Variants in DLST observed in about 807,000 individuals in gnomAD.
DLST encodes dihydrolipoamide S-succinyltransferase, also known as dihydrolipoyllysine-residue succinyltransferase component of 2-oxoglutarate dehydrogenase complex, mitochondrial.
In DLST, 17 loss-of-function variants were observed where a neutral mutation model predicts 53.1. The ratio of observed to expected loss-of-function variants is 0.32; its 90% CI spans 0.22 to 0.48. The LOEUF is 0.48. Ranked by LOEUF, DLST falls within the 20% of genes least tolerant of loss-of-function variation. The probability of loss-of-function intolerance (pLI) is 0.99; values close to 1 mark genes in which losing one functional copy is unlikely to be tolerated. For missense variants in DLST, 512 were observed against 583.9 expected (o/e 0.88, Z 1.27); for synonymous variants, 206 against 204.8 (o/e 1.01, Z -0.05).
At chr14:74,892,283 A>G (rs976179720) in intron 7 of DLST, among the ~76,000 whole-genome samples, 1 of 152,026 alleles carries the variant, frequency 6.6e-6, no homozygotes, top group Admixed American at 6.5e-5. Context: ...GGCTTTCACC[A>G]TGTTGGCCAG....
chr14:74,902,272 T>C lies in DLST; in HGVS notation c.1304T>C (p.Phe435Ser). The change falls in exon 15 of 15, where the codon TTC (phenylalanine) becomes TCC (serine). Residue 435 changes from phenylalanine (F) to serine (S), a missense_variant. Around this residue, in one of 4 missense-constraint regions of DLST, gnomAD observed 186 missense variants for 260.4 expected, o/e 0.71. Coordinates refer to ENST00000334220, the MANE Select transcript of DLST (RefSeq NM_001933.5). ...ATTGATGGCAGAGAGGCTGTGACTTTCCTCCGCAAAATCAAGGCAGCGGTA... is the reference window on the plus strand; with the variant it reads ...ATTGATGGCAGAGAGGCTGTGACTTCCCTCCGCAAAATCAAGGCAGCGGTA... ...RLIDGREAVT[F>S]LRKIKAAVED... is the part of the protein sequence containing the mutation. 6.2e-7 allele frequency: 1 copy of C among 1,613,614 alleles called. No individual in the cohort carries two copies. The highest frequency in any genetic ancestry group is 8.5e-7 in the Non-Finnish European group (1 of 1,179,730).
At chr14:74,886,587 G>A (rs1883712694) in intron 3 of DLST, among the ~76,000 whole-genome samples, 1 of 152,172 alleles carries the variant, frequency 6.6e-6, no homozygotes, top group Non-Finnish European at 1.5e-5. Flanking sequence ...ACTTGCCTTA[G>A]CCTCCCAAAG....
chr14:74,881,965 A>C lies in DLST; in HGVS notation c.12A>C (p.Arg4=), dbSNP rs373129809. The C allele has an allele frequency of 3.8e-6, 6 of 1,558,760 alleles. No individual in the cohort carries two copies. Among genetic ancestry groups the C allele is most frequent in the Admixed American group, 1.8e-5 (1 of 56,132 alleles). ...GCTCCTCCGCCGTGATGCTGTCCCG[A>C]TCCCGCTGTGTGTCTCGGGCGTTCA... is the stretch of plus-strand genomic sequence containing the variant. MLS[R]SRCVSRAFSR... is the part of the protein sequence containing the mutation. Residue 4 remains arginine, a synonymous_variant, in exon 1 of 15, where the codon CGA becomes CGC. Transcript: ENST00000334220.
intron 2 of DLST, among the ~76,000 whole-genome samples, chr14:74,883,012 T>C (rs1473829803): frequency 6.6e-6 from 1 of 152,142 alleles, no homozygotes; most frequent in Non-Finnish European, 1.5e-5. Flanking sequence ...GTTATGGCCA[T>C]GGCCGGGCGC....
At position 74,889,664 on chromosome 14, in the gene DLST, C is replaced by T. The variant is rs78809396; in HGVS notation, c.275-233C>T. ...TTGGGATTACAGGCCTGAGCCACTGCGTGAGCCACTGCGCCTGGCTCCTCT... is the reference window on the plus strand; with the variant it reads ...TTGGGATTACAGGCCTGAGCCACTGTGTGAGCCACTGCGCCTGGCTCCTCT... On this transcript the variant is annotated intron_variant, in intron 5 of 14. Transcript: ENST00000334220. The T allele has an allele frequency of 2.1e-4, 118 of 560,258 alleles. No individual in the cohort carries two copies. In the East Asian group the frequency reaches 3.2e-3, roughly 15 times the overall value. 34.7% of individuals were successfully genotyped at this position (560,258 alleles called of 1,614,324 possible).
intron 1 of DLST, 148 bp from the exon 2 acceptor site, chr14:74,882,443 C>T: frequency 1.4e-6 from 1 of 717,466 alleles, no homozygotes; most frequent in Non-Finnish European, 2.4e-6. Flanking sequence ...TTGATTGGGT[C>T]TGCCAGCACG....
chr14:74,883,887 G>A (rs142465343), intron 2 of DLST, among the ~76,000 whole-genome samples: 17 of 152,266 alleles, frequency 1.1e-4, no homozygotes, highest in African/African-American at 4.1e-4. Flanking sequence ...CTAGGTAACA[G>A]GGGTATAGAT....
chr14:74,899,731 G>C (rs955004244), intron 11 of DLST, among the ~76,000 whole-genome samples, 192 bp from the exon 12 acceptor site: 4 of 152,144 alleles, frequency 2.6e-5, no homozygotes, highest in African/African-American at 9.7e-5. Flanking sequence ...TCAGGGACTT[G>C]GGAGATACTA....
At chr14:74,898,633 A>G in intron 11 of DLST, 134 bp downstream of exon 11, 1 of 1,161,056 alleles carries the variant, frequency 8.6e-7, no homozygotes, top group Non-Finnish European at 1.2e-6. Flanking sequence ...TATCTTCCCC[A>G]GGGATTTCTT....
intron 8 of DLST, 120 bp downstream of exon 8, chr14:74,893,106 G>C: frequency 7.7e-7 from 1 of 1,290,536 alleles, no homozygotes; most frequent in East Asian, 2.5e-5. Context: ...TTTGTAGAAA[G>C]AATTCTAGAC....
intron 9 of DLST, 129 bp downstream of exon 9, chr14:74,893,553 T>G (rs1012890862): frequency 1.0e-6 from 1 of 977,580 alleles, no homozygotes; most frequent in African/African-American, 1.6e-5. Context: ...AAAGGGAGTT[T>G]AGGATATAAC....
At chr14:74,886,738 CTTTTCTTT>C (rs888899152) in intron 3 of DLST, among the ~76,000 whole-genome samples, 5 of 151,692 alleles carry the variant, frequency 3.3e-5, no homozygotes, top group South Asian at 2.1e-4. Flanking sequence ...GTGTGTGTAC[CTTTTCTTT>C]TTTTCTTTTT....
intron 9 of DLST, 143 bp downstream of exon 9, chr14:74,893,567 T>G (rs1883981441): frequency 2.4e-6 from 2 of 830,862 alleles, no homozygotes; most frequent in East Asian, 5.2e-5. Context: ...ATATAACTTC[T>G]TCATAGTCAC....
chr14:74,899,449 T>G (rs1174398677), intron 11 of DLST, among the ~76,000 whole-genome samples: 1 of 152,072 alleles, frequency 6.6e-6, no homozygotes, highest in Non-Finnish European at 1.5e-5. Flanking sequence ...GTAGCATATT[T>G]CAAAGCCAGA....
rs145271238 is a variant in DLST at position 74,891,138 on chromosome 14, C to T, written c.413C>T (p.Thr138Ile). The change falls in exon 7 of 15, where the codon ACT (threonine) becomes ATT (isoleucine). Residue 138 changes from threonine (T) to isoleucine (I), a missense_variant. By Grantham distance (89) the Thr-to-Ile change is moderately conservative. This residue lies in a region of DLST where 162 missense variants were observed against 162.0 expected (regional missense o/e 1.00). Coordinates refer to ENST00000334220, the MANE Select transcript of DLST (RefSeq NM_001933.5). Reference sequence around the variant, plus strand: ...GATGGGGGAAAAGTCGAAGGAGGCACTCCACTTTTCACACTCAGGAAAACT... The same window carrying T: ...GATGGGGGAAAAGTCGAAGGAGGCATTCCACTTTTCACACTCAGGAAAACT... ...VPDGGKVEGGTPLFTLRKTGA... is the reference protein window; with the variant it reads ...VPDGGKVEGGIPLFTLRKTGA... 27 of 1,614,172 alleles carry T rather than the reference C, an allele frequency of 1.7e-5. No individual in the cohort carries two copies. Among genetic ancestry groups the T allele is most frequent in the African/African-American group, 2.7e-5 (2 of 75,068 alleles).
intron 7 of DLST, chr14:74,891,395 T>C (rs1883902707): frequency 8.4e-7 from 1 of 1,197,482 alleles, no homozygotes; most frequent in South Asian, 2.8e-5. Context: ...TTTCCATGGG[T>C]GTTTCTTAGC....
At chr14:74,901,718 A>ACT (rs1217935612) in intron 14 of DLST, among the ~76,000 whole-genome samples, 2 of 151,784 alleles carry the variant, frequency 1.3e-5, no homozygotes, top group African/African-American at 4.8e-5. Context: ...CTTTCTGGGA[A>ACT]CTCCTGTGTT....
At position 74,882,003 on chromosome 14, in the gene DLST, C is replaced by T; in HGVS notation, c.50C>T (p.Ser17Phe). 6.4e-7 allele frequency: 1 copy of T among 1,572,622 alleles called. No individual in the cohort carries two copies. The highest frequency in any genetic ancestry group is 8.6e-7 in the Non-Finnish European group (1 of 1,167,642). Residue 17 changes from serine (S) to phenylalanine (F), a missense_variant, in exon 1 of 15, where the codon TCC (serine) becomes TTC (phenylalanine). Around this residue, in one of 4 missense-constraint regions of DLST, gnomAD observed 129 missense variants for 90.9 expected, o/e 1.42. Transcript: ENST00000334220. Reference sequence around the variant, plus strand: ...TCTCGGGCGTTCAGCCGCTCGCTCTCCGCCTTCCAGAAGGTACGGTCTGGC... The same window carrying T: ...TCTCGGGCGTTCAGCCGCTCGCTCTTCGCCTTCCAGAAGGTACGGTCTGGC... ...CVSRAFSRSL[S>F]AFQKGNCPLG...
At chr14:74,889,804 G>A in intron 5 of DLST, 93 bp from the exon 6 acceptor site, 1 of 1,223,104 alleles carries the variant, frequency 8.2e-7, no homozygotes, top group Non-Finnish European at 1.2e-6. Flanking sequence ...CTGTAGGAAA[G>A]GGTTCTTATA....
Sources: allele counts gnomAD v4.1 joint callset (sites outside exome capture counted in the v4.1 genomes callset), GRCh38; gene constraint gnomAD v4.1.1; regional missense constraint gnomAD v4.1.1; transcripts MANE v1.5; gene names NCBI Gene and HGNC (gene_info 2026-07-23, HGNC 2026-07-21).